The following GTF2IRD1 variants were observed in gnomAD, a reference collection of about 807,000 sequenced individuals.
The protein encoded by GTF2IRD1 is general transcription factor II-I repeat domain-containing protein 1.
GTF2IRD1 carries 26 observed loss-of-function variants against 113.2 expected under a neutral mutation model. The observed-to-expected ratio is 0.23, with a 90% CI of 0.17 to 0.32. The LOEUF (loss-of-function observed/expected upper bound fraction) is 0.32, where lower values mean the gene tolerates loss of function less well. Ranked by LOEUF, GTF2IRD1 falls within the 10% of genes least tolerant of loss-of-function variation. The pLI is 1.00. For synonymous variants in GTF2IRD1, 484 were observed against 529.1 expected (o/e 0.91, Z 1.17); for missense variants, 864 against 1,280.8 (o/e 0.67, Z 4.97).
At chr7:74,598,853 C>T (rs1554373139) in intron 25 of GTF2IRD1, among the ~76,000 whole-genome samples, 1 of 152,140 alleles carries the variant, frequency 6.6e-6, no homozygotes, top group African/African-American at 2.4e-5. Context: ...ATCCCTCTGA[C>T]TCATAGCCTG....
At chr7:74,498,688 C>G (rs901856845) in intron 1 of GTF2IRD1, among the ~76,000 whole-genome samples, 2 of 151,504 alleles carry the variant, frequency 1.3e-5, no homozygotes, top group Non-Finnish European at 2.9e-5. Flanking sequence ...TGTGCCTGCG[C>G]GAGCTTCTCT....
At chr7:74,523,209 AC>A (rs1797391337) in intron 7 of GTF2IRD1, among the ~76,000 whole-genome samples, 1 of 151,204 alleles carries the variant, frequency 6.6e-6, no homozygotes, top group South Asian at 2.1e-4. Flanking sequence ...ACAGAGTGAG[AC>A]CCTGTCTGTA....
intron 1 of GTF2IRD1, among the ~76,000 whole-genome samples, chr7:74,493,599 C>CT (rs1241856441): frequency 6.6e-6 from 1 of 152,104 alleles, no homozygotes; most frequent in Non-Finnish European, 1.5e-5. Context: ...TCTCGGGTCT[C>CT]TAAGGGCAAA....
rs189626851 is a variant in GTF2IRD1 at position 74,549,840 on chromosome 7, A to G, written c.1916+2554A>G. On this transcript the variant is annotated intron_variant, in intron 17 of 26. Coordinates refer to ENST00000424337, the MANE Select transcript of GTF2IRD1 (RefSeq NM_005685.4). ...CACCTGAGGTTGGGAGTTTGAGACCAGTCTGACCACTATGGAGAAACCCCA... is the reference window on the plus strand; with the variant it reads ...CACCTGAGGTTGGGAGTTTGAGACCGGTCTGACCACTATGGAGAAACCCCA... Among the ~76,000 whole-genome samples the G allele has an allele frequency of 3.8e-3, 577 of 152,300 alleles. 3 individuals carry two copies. Among genetic ancestry groups the G allele is most frequent in the Non-Finnish European group, 6.7e-3 (456 of 68,028 alleles).
intron 25 of GTF2IRD1, among the ~76,000 whole-genome samples, chr7:74,597,612 G>A (rs1350236291): frequency 1.3e-5 from 2 of 152,138 alleles, no homozygotes; most frequent in African/African-American, 4.8e-5. Flanking sequence ...ATCCCAAAGT[G>A]CTGGGATTAC....
intron 1 of GTF2IRD1, among the ~76,000 whole-genome samples, chr7:74,494,070 A>G (rs894603378): frequency 4.6e-5 from 7 of 152,086 alleles, no homozygotes; most frequent in African/African-American, 1.7e-4. Flanking sequence ...CAATAGCCCA[A>G]CATTAGCAGT....
At position 74,547,293 on chromosome 7, in the gene GTF2IRD1, C is replaced by T. The variant is rs181232198; in HGVS notation, c.1916+7C>T. 22 of 1,599,846 alleles carry T rather than the reference C, an allele frequency of 1.4e-5. No individual in the cohort carries two copies. The highest frequency in any genetic ancestry group is 1.8e-5 in the Non-Finnish European group (21 of 1,175,166). On this transcript the variant is annotated splice_region_variant and intron_variant, in intron 17 of 26. Coordinates refer to ENST00000424337, the MANE Select transcript of GTF2IRD1 (RefSeq NM_005685.4). ...TCCAGTTTGTCATCAAGAGGTAAGGCCCAACCAGGTCCATGGGAGACAGCA... is the reference window on the plus strand; with the variant it reads ...TCCAGTTTGTCATCAAGAGGTAAGGTCCAACCAGGTCCATGGGAGACAGCA...
At chr7:74,547,755 CTT>C (rs587743253) in intron 17 of GTF2IRD1, among the ~76,000 whole-genome samples, 9 of 114,236 alleles carry the variant, frequency 7.9e-5, no homozygotes, top group Admixed American at 4.8e-4. Context: ...TTCTCTCTCT[CTT>C]TTTTTTTTTT....
intron 1 of GTF2IRD1, among the ~76,000 whole-genome samples, chr7:74,494,984 G>A (rs1795573651): frequency 1.3e-5 from 2 of 152,176 alleles, no homozygotes; most frequent in African/African-American, 4.8e-5. Flanking sequence ...TGAACTCCTG[G>A]CCTCAAGCAA....
intron 1 of GTF2IRD1, among the ~76,000 whole-genome samples, chr7:74,475,805 C>T (rs930285598): frequency 2.0e-5 from 3 of 152,202 alleles, no homozygotes; most frequent in Non-Finnish European, 4.4e-5. Context: ...AGGCCATTAA[C>T]GTGAGCCACC....
intron 17 of GTF2IRD1, among the ~76,000 whole-genome samples, chr7:74,551,761 C>T (rs1799319789): frequency 6.6e-6 from 1 of 152,052 alleles, no homozygotes; most frequent in Non-Finnish European, 1.5e-5. Context: ...CATAGTGAAA[C>T]CCCGTCTCTA....
At chr7:74,562,224 C>G (rs587641667) in intron 22 of GTF2IRD1, among the ~76,000 whole-genome samples, 2 of 152,280 alleles carry the variant, frequency 1.3e-5, no homozygotes, top group East Asian at 3.9e-4. Context: ...AAGCTGGGGT[C>G]TGCTGGGGGA....
chr7:74,494,777 G>T (rs1449836674), intron 1 of GTF2IRD1, among the ~76,000 whole-genome samples: 8 of 151,578 alleles, frequency 5.3e-5, no homozygotes, highest in South Asian at 2.1e-4. Flanking sequence ...TAGAGACAGG[G>T]TTCTCACTCT....
intron 2 of GTF2IRD1, among the ~76,000 whole-genome samples, chr7:74,511,883 A>G (rs1554343057): frequency 6.6e-6 from 1 of 152,160 alleles, no homozygotes; most frequent in Non-Finnish European, 1.5e-5. Flanking sequence ...CCCCTACATT[A>G]AGGCCTCTGG....
chr7:74,595,827 G>C (rs1554372081), intron 25 of GTF2IRD1: 1 of 152,492 alleles, frequency 6.6e-6, no homozygotes, highest in African/African-American at 2.4e-5. Flanking sequence ...GGTAGCAGAG[G>C]GGTAGCACGT....
chr7:74,540,017 G>A, intron 14 of GTF2IRD1, 49 bp downstream of exon 14: 1 of 1,388,656 alleles, frequency 7.2e-7, no homozygotes, highest in Non-Finnish European at 1.0e-6. Context: ...GCTCTCCAGG[G>A]AGCAAAGGGA....
intron 8 of GTF2IRD1, among the ~76,000 whole-genome samples, chr7:74,525,170 TGC>T (rs1298139985): frequency 6.6e-6 from 1 of 152,212 alleles, no homozygotes; most frequent in Admixed American, 6.5e-5. Context: ...ACCTGTGCTG[TGC>T]CCTCTGTCTG....
intron 13 of GTF2IRD1, among the ~76,000 whole-genome samples, chr7:74,539,122 G>T (rs746719959): frequency 6.6e-6 from 1 of 152,146 alleles, no homozygotes; most frequent in Non-Finnish European, 1.5e-5. Flanking sequence ...AGATTTGGGC[G>T]CTGGAGCCTC....
intron 8 of GTF2IRD1, among the ~76,000 whole-genome samples, chr7:74,528,553 A>G (rs2130417674): frequency 6.6e-6 from 1 of 152,010 alleles, no homozygotes; most frequent in Non-Finnish European, 1.5e-5. Context: ...ACACATAGAG[A>G]TGAGTGTGGA....
Sources: gnomAD v4.1 joint callset for allele counts (sites outside exome capture counted in the v4.1 genomes callset) on GRCh38, gnomAD v4.1.1 for gene constraint, MANE v1.5 for transcripts, NCBI Gene and HGNC (gene_info 2026-07-23, HGNC 2026-07-21) for gene names.